PCMTD2: variants seen among roughly 807,000 people sequenced by gnomAD.
PCMTD2 encodes the protein protein-L-isoaspartate O-methyltransferase domain-containing protein 2.
In PCMTD2, 16 loss-of-function variants were observed where a neutral mutation model predicts 33.4. The ratio of observed to expected loss-of-function variants is 0.48; its 90% CI spans 0.32 to 0.73. PCMTD2 has a LOEUF of 0.73. Ranked by LOEUF, PCMTD2 falls within the 30% of genes least tolerant of loss-of-function variation. The pLI is 0.03. For synonymous variants in PCMTD2, 161 were observed against 160.8 expected (o/e 1.00, Z -0.01); for missense variants, 374 against 449.9 (o/e 0.83, Z 1.53).
At chr20:64,272,282 A>C in intron 5 of PCMTD2, 1 of 328,358 alleles carries the variant, frequency 3.0e-6, no homozygotes, top group Non-Finnish European at 6.3e-6. Context: ...GCAGACTGTT[A>C]TTATTTGGAG....
In PCMTD2 at chr20:64,275,110, C is replaced by T. The variant is rs1366459839; in HGVS notation, c.*1510C>T. The T allele has an allele frequency of 6.6e-6, 1 of 152,110 alleles. No individual in the cohort carries two copies. Among genetic ancestry groups the T allele is most frequent in the Non-Finnish European group, 1.5e-5 (1 of 68,022 alleles). The allele number at this position is 152,110 out of a possible 1,614,324, so 9.4% of individuals were successfully genotyped here. On this transcript the variant is annotated 3_prime_UTR_variant, in exon 6 of 6. Coordinates refer to ENST00000308824, the MANE Select transcript of PCMTD2 (RefSeq NM_018257.3). Reference sequence around the variant, plus strand: ...TTAAGTAACTGAGTCATTTTTACCACACAGTCCAGTTTGCATGTATAGCTA... The same window carrying T: ...TTAAGTAACTGAGTCATTTTTACCATACAGTCCAGTTTGCATGTATAGCTA...
At position 64,274,339 on chromosome 20, in the gene PCMTD2, A is replaced by C. The variant is rs1406877681; in HGVS notation, c.*739A>C. 1 of 149,788 alleles carries C rather than the reference A, an allele frequency of 6.7e-6. No individual in the cohort carries two copies. The highest frequency in any genetic ancestry group is 1.5e-5 in the Non-Finnish European group (1 of 67,680). 9.3% of individuals were successfully genotyped at this position (149,788 alleles called of 1,614,324 possible). On this transcript the variant is annotated 3_prime_UTR_variant, in exon 6 of 6. Transcript: ENST00000308824. The stretch of plus-strand genomic sequence containing the variant: ...TTTAGGACATCTTTTGATACCTTTA[A>C]AAGAACCACTGTCAAGTAATCCTTA...
rs1435602008 is a variant in PCMTD2, at chr20:64,260,197, C to T, written c.232C>T (p.Leu78=). ...IYSEVMEALD[L]QPGLSFLNLG... ...CTCGGAGGTGATGGAAGCCCTAGAT[C>T]TGCAGCCTGGACTCTCGTTTCTGAA... The change falls in exon 2 of 6, where the codon CTG becomes TTG. Residue 78 remains leucine, a synonymous_variant. Transcript: ENST00000308824. 2.5e-6 allele frequency: 4 copies of T among 1,613,784 alleles called. No individual in the cohort carries two copies. The highest frequency in any genetic ancestry group is 3.4e-6 in the Non-Finnish European group (4 of 1,179,668).
intron 1 of PCMTD2, 103 bp from the exon 2 acceptor site, chr20:64,259,839 A>C (rs1366708136): frequency 1.6e-6 from 1 of 617,792 alleles, no homozygotes; most frequent in Non-Finnish European, 2.8e-6. Context: ...ATAATCTATT[A>C]TTTTCAGAAT....
chr20:64,260,292 C>T lies in PCMTD2; in HGVS notation c.307+20C>T. Reference sequence around the variant, plus strand: ...TTCTAGGTAAGTGTGGAAGGAGAGTCTGAAAACTCATCTGTCTCAGGGAAG... The same window carrying T: ...TTCTAGGTAAGTGTGGAAGGAGAGTTTGAAAACTCATCTGTCTCAGGGAAG... On this transcript the variant is annotated intron_variant, in intron 2 of 5. Coordinates refer to ENST00000308824, the MANE Select transcript of PCMTD2 (RefSeq NM_018257.3). The T allele has an allele frequency of 6.5e-7, 1 of 1,545,386 alleles. No homozygotes were observed. Among genetic ancestry groups the T allele is most frequent in the Non-Finnish European group, 8.9e-7 (1 of 1,121,344 alleles).
In PCMTD2 at chr20:64,273,646, G is replaced by T. The variant is rs752615875; in HGVS notation, c.*46G>T. 2.7e-6 allele frequency: 4 copies of T among 1,491,340 alleles called. No homozygotes were observed. The highest frequency in any genetic ancestry group is 3.6e-6 in the Non-Finnish European group (4 of 1,117,618). The allele number at this position is 1,491,340 out of a possible 1,614,324, so 92.4% of individuals were successfully genotyped here. On this transcript the variant is annotated 3_prime_UTR_variant, in exon 6 of 6. Transcript: ENST00000308824. ...AAATAGGAAGAGCAGATTGCTGAGTGTGAAGTTCGTGCTGCCTGTGTGCTG... is the reference window on the plus strand; with the variant it reads ...AAATAGGAAGAGCAGATTGCTGAGTTTGAAGTTCGTGCTGCCTGTGTGCTG...
intron 4 of PCMTD2, among the ~76,000 whole-genome samples, 158 bp from the exon 5 acceptor site, chr20:64,267,723 GGTAGAT>G: frequency 6.6e-6 from 1 of 152,138 alleles, no homozygotes; most frequent in Non-Finnish European, 1.5e-5. Flanking sequence ...ATATTCATAA[GGTAGAT>G]GTACTTCATG....
intron 5 of PCMTD2, chr20:64,271,498 A>C (rs1455824067): frequency 6.6e-6 from 1 of 151,796 alleles, no homozygotes; most frequent in East Asian, 1.9e-4. Flanking sequence ...CTTCTGAGGA[A>C]GGGCATGTGA....
chr20:64,263,372 T>G (rs1985515319), intron 2 of PCMTD2, among the ~76,000 whole-genome samples: 1 of 152,168 alleles, frequency 6.6e-6, no homozygotes, highest in African/African-American at 2.4e-5. Context: ...CAGGGAAGCC[T>G]TGGCCTGGGC....
chr20:64,273,196 T>G (rs1601749008), intron 5 of PCMTD2, 25 bp from the exon 6 acceptor site: 1 of 1,596,368 alleles, frequency 6.3e-7, no homozygotes, highest in Admixed American at 1.7e-5. Context: ...TGCATTTGAC[T>G]GTGTCTCACT....
chr20:64,264,236 T>C (rs539672361), intron 2 of PCMTD2, among the ~76,000 whole-genome samples, 193 bp from the exon 3 acceptor site: 1 of 152,330 alleles, frequency 6.6e-6, no homozygotes, highest in South Asian at 2.1e-4. Context: ...CTTTAAAAGT[T>C]TGTGAGCAGA....
At chr20:64,272,402 T>C (rs1376117267) in intron 5 of PCMTD2, among the ~76,000 whole-genome samples, 1 of 152,272 alleles carries the variant, frequency 6.6e-6, no homozygotes, top group Non-Finnish European at 1.5e-5. Flanking sequence ...CAAATGTTCT[T>C]TCTCCTTGGT....
chr20:64,264,643 A>G, intron 3 of PCMTD2, 112 bp downstream of exon 3: 1 of 653,710 alleles, frequency 1.5e-6, no homozygotes, highest in Middle Eastern at 2.8e-4. Context: ...CTGTGGTGGG[A>G]TGATTCTATG....
intron 5 of PCMTD2, among the ~76,000 whole-genome samples, chr20:64,269,834 T>G (rs531099157): frequency 8.0e-6 from 1 of 124,770 alleles, no homozygotes; most frequent in East Asian, 2.2e-4. Context: ...ACGCGTGGTG[T>G]GGGGTCATGG....
At chr20:64,265,472 C>A in intron 4 of PCMTD2, 43 bp downstream of exon 4, 4 of 1,482,374 alleles carry the variant, frequency 2.7e-6, no homozygotes, top group Non-Finnish European at 2.8e-6. Flanking sequence ...CACTGTGTGC[C>A]AAGGTCTGTT....
intron 2 of PCMTD2, chr20:64,262,817 A>G (rs1985486140): frequency 6.6e-6 from 1 of 152,290 alleles, no homozygotes; most frequent in Non-Finnish European, 1.5e-5. Context: ...TAAGTCACCT[A>G]CCTGAAAAGT....
At chr20:64,259,816 G>T in intron 1 of PCMTD2, 126 bp from the exon 2 acceptor site, 1 of 586,346 alleles carries the variant, frequency 1.7e-6, no homozygotes, top group Non-Finnish European at 3.0e-6. Context: ...GATGAGGTGG[G>T]TGTTGACAAA....
In PCMTD2 at chr20:64,261,838, G is replaced by A. The variant is rs546850704; in HGVS notation, c.307+1566G>A. On this transcript the variant is annotated intron_variant, in intron 2 of 5. Coordinates refer to ENST00000308824, the MANE Select transcript of PCMTD2 (RefSeq NM_018257.3). ...TTTGGGAATTGTGATTTCCTCCAACGTAGCTGAAAAATAGGGGCTATAGCT... is the reference window on the plus strand; with the variant it reads ...TTTGGGAATTGTGATTTCCTCCAACATAGCTGAAAAATAGGGGCTATAGCT... 4.6e-5 allele frequency among the ~76,000 whole-genome samples: 7 copies of A among 152,254 alleles called. No individual in the cohort carries two copies. The East Asian group carries it at 5.8e-4, about 13-fold the overall frequency.
At chr20:64,271,990 TGGG>T (rs1337575337) in intron 5 of PCMTD2, 43 of 316,616 alleles carry the variant, frequency 1.4e-4, no homozygotes, top group South Asian at 9.1e-4. Context: ...GGGTCACAGA[TGGG>T]GCAAGAGGCA....
Sources: gnomAD v4.1 joint callset for allele counts (sites outside exome capture counted in the v4.1 genomes callset) on GRCh38, gnomAD v4.1.1 for gene constraint, MANE v1.5 for transcripts, NCBI Gene and HGNC (gene_info 2026-07-23, HGNC 2026-07-21) for gene names.